Variants in IRAK1BP1 observed in about 807,000 individuals in gnomAD.
IRAK1BP1 encodes interleukin 1 receptor associated kinase 1 binding protein 1.
Under a neutral mutation model 28.0 loss-of-function variants are expected in IRAK1BP1, and 24 were observed. The ratio of observed to expected loss-of-function variants is 0.86; its 90% CI spans 0.62 to 1.20. The LOEUF (loss-of-function observed/expected upper bound fraction) is 1.20. Among genes scored for constraint, IRAK1BP1 ranks in the 50% most tolerant of loss-of-function variants. IRAK1BP1 has a pLI of 0.00. For missense variants in IRAK1BP1, 336 were observed against 316.7 expected (o/e 1.06, Z -0.46); for synonymous variants, 131 against 116.3 (o/e 1.13, Z -0.81).
At chr6:78,978,255 C>T in the IRAK1BP1 span, among the ~76,000 whole-genome samples, 2 of 151,792 alleles carry the variant, frequency 1.3e-5, no homozygotes, top group Non-Finnish European at 1.5e-5. Context: ...TTCATTTTTC[C>T]TTTAACATGT....
intron 2 of IRAK1BP1, among the ~76,000 whole-genome samples, chr6:78,896,147 C>T (rs1014496063): frequency 1.2e-4 from 18 of 151,952 alleles, no homozygotes; most frequent in Non-Finnish European, 2.1e-4. Flanking sequence ...TTCACTATTC[C>T]AGATATCAGT....
At chr6:78,883,241 G>A (rs1771294820) in intron 1 of IRAK1BP1, among the ~76,000 whole-genome samples, 1 of 152,062 alleles carries the variant, frequency 6.6e-6, no homozygotes, top group African/African-American at 2.4e-5. Context: ...AGCCTGGACA[G>A]CAAAGCAAGA....
At chr6:78,931,365 T>C (rs771075800) in intron 4 of IRAK1BP1, among the ~76,000 whole-genome samples, 9 of 151,420 alleles carry the variant, frequency 5.9e-5, no homozygotes, top group Non-Finnish European at 1.2e-4. Context: ...TGAGCTACGA[T>C]TTGTGCCACT....
chr6:78,916,890 G>T (rs963986593), intron 4 of IRAK1BP1, among the ~76,000 whole-genome samples: 21 of 152,032 alleles, frequency 1.4e-4, no homozygotes, highest in Non-Finnish European at 1.5e-5. Context: ...GTTGCAGTGA[G>T]ACAGGAATGT....
At chr6:78,895,556 A>T (rs556490025) in intron 2 of IRAK1BP1, among the ~76,000 whole-genome samples, 1 of 152,340 alleles carries the variant, frequency 6.6e-6, no homozygotes, top group South Asian at 2.1e-4. Context: ...ATATTAATAC[A>T]TAATGACCAA....
chr6:78,878,036 C>T lies in IRAK1BP1; in HGVS notation c.316-7342C>T, dbSNP rs62424926. On this transcript the variant is annotated intron_variant, in intron 1 of 3. Transcript: ENST00000369940. Reference sequence around the variant, plus strand: ...GGATCCCACCACAGCTCAAGGAGACCTGCCTGCCACTGTAGACTCCACCTC... The same window carrying T: ...GGATCCCACCACAGCTCAAGGAGACTTGCCTGCCACTGTAGACTCCACCTC... 5.6e-3 allele frequency among the ~76,000 whole-genome samples: 851 copies of T among 152,158 alleles called. 6 individuals are homozygous for T. The highest frequency in any genetic ancestry group is 0.02 in the African/African-American group (824 of 41,544).
intron 1 of IRAK1BP1, among the ~76,000 whole-genome samples, chr6:78,883,831 G>T (rs1373841662): frequency 6.6e-6 from 1 of 152,124 alleles, no homozygotes; most frequent in Non-Finnish European, 1.5e-5. Context: ...ACCTGGGCAT[G>T]TGAATCATAC....
downstream of IRAK1BP1, among the ~76,000 whole-genome samples, chr6:78,949,221 T>C (rs1441678908): frequency 1.3e-5 from 2 of 152,200 alleles, no homozygotes; most frequent in East Asian, 3.9e-4. Flanking sequence ...CTTCTTCAGA[T>C]TCTGCATTTG....
At chr6:78,879,209 G>A (rs1051891469) in intron 1 of IRAK1BP1, among the ~76,000 whole-genome samples, 1 of 152,020 alleles carries the variant, frequency 6.6e-6, no homozygotes, top group African/African-American at 2.4e-5. Flanking sequence ...TTGGGGTGGG[G>A]GTAGGGGGTA....
In IRAK1BP1 at chr6:78,880,768, A is replaced by G. The variant is rs75020392; in HGVS notation, c.316-4610A>G. Among the ~76,000 whole-genome samples, 829 of 152,342 alleles carry G rather than the reference A, an allele frequency of 5.4e-3. 10 individuals carry two copies. Among genetic ancestry groups the G allele is most frequent in the Middle Eastern group, 0.041 (12 of 294 alleles). ...ACTTATACAGATGGCAAATAGGCACATGAAAAGATACTCAACATTACTTGT... is the reference window on the plus strand; with the variant it reads ...ACTTATACAGATGGCAAATAGGCACGTGAAAAGATACTCAACATTACTTGT... On this transcript the variant is annotated intron_variant, in intron 1 of 3. Transcript: ENST00000369940.
At chr6:78,968,698 T>TA in the IRAK1BP1 span, among the ~76,000 whole-genome samples, 1 of 151,616 alleles carries the variant, frequency 6.6e-6, no homozygotes, top group South Asian at 2.1e-4. Flanking sequence ...AAACAGCATA[T>TA]AATTCCTTCC....
chr6:78,887,664 T>TCA (rs759279494), intron 2 of IRAK1BP1, among the ~76,000 whole-genome samples: 13 of 151,764 alleles, frequency 8.6e-5, no homozygotes, highest in South Asian at 2.1e-4. Context: ...AGACTCCATC[T>TCA]CACACACACA....
intron 4 of IRAK1BP1, among the ~76,000 whole-genome samples, chr6:78,911,937 C>T (rs759986360): frequency 2.0e-5 from 3 of 152,164 alleles, no homozygotes; most frequent in Non-Finnish European, 2.9e-5. Context: ...GTGACTGGGA[C>T]ATAGCAGGTG....
chr6:78,928,498 T>A (rs906350378), intron 4 of IRAK1BP1, among the ~76,000 whole-genome samples: 1 of 152,160 alleles, frequency 6.6e-6, no homozygotes, highest in Non-Finnish European at 1.5e-5. Flanking sequence ...CTTTCCAATT[T>A]GGATGCCCTT....
chr6:78,909,849 T>C (rs188679980), intron 4 of IRAK1BP1, among the ~76,000 whole-genome samples: 2,035 of 130,740 alleles, frequency 0.016, 38 homozygotes, highest in African/African-American at 0.06. Context: ...ATTTCTTTTC[T>C]TTTTTTGCTC....
At chr6:78,910,342 T>C (rs562474484) in intron 4 of IRAK1BP1, among the ~76,000 whole-genome samples, 54 of 152,298 alleles carry the variant, frequency 3.5e-4, no homozygotes, top group African/African-American at 1.3e-3. Flanking sequence ...TTATTGAAAG[T>C]CTGTGTGTCC....
At chr6:78,918,538 GT>G (rs1162135276) in intron 4 of IRAK1BP1, among the ~76,000 whole-genome samples, 3 of 114,556 alleles carry the variant, frequency 2.6e-5, no homozygotes, top group Admixed American at 1.1e-4. Flanking sequence ...AGAGGTCATG[GT>G]TGTTATATCA....
chr6:78,936,897 G>A (rs1215480202), intron 4 of IRAK1BP1: 1 of 151,734 alleles, frequency 6.6e-6, no homozygotes, highest in Non-Finnish European at 1.5e-5. Flanking sequence ...TGGAAATTAG[G>A]GGAACTAAGG....
At chr6:78,931,535 G>A (rs1773044561) in intron 4 of IRAK1BP1, among the ~76,000 whole-genome samples, 2 of 152,104 alleles carry the variant, frequency 1.3e-5, no homozygotes, top group African/African-American at 4.8e-5. Flanking sequence ...TCTGGTTCCG[G>A]ACCACCAAAA....
Sources: gnomAD v4.1 joint callset for allele counts (sites outside exome capture counted in the v4.1 genomes callset) on GRCh38, gnomAD v4.1.1 for gene constraint, MANE v1.5 for transcripts, NCBI Gene and HGNC (gene_info 2026-07-23, HGNC 2026-07-21) for gene names.